Variants in DLG2 observed in about 807,000 individuals in gnomAD.
The protein encoded by DLG2 is disks large homolog 2.
Under a neutral mutation model 132.5 loss-of-function variants are expected in DLG2, and 45 were observed. The ratio of observed to expected loss-of-function variants is 0.34; its 90% CI spans 0.27 to 0.44. The LOEUF is 0.44. Among genes scored for constraint, DLG2 ranks in the 20% least tolerant of loss-of-function variants. The probability of loss-of-function intolerance (pLI) is 1.00; values close to 1 mark genes in which losing one functional copy is unlikely to be tolerated. For missense variants in DLG2, 1,045 were observed against 1,196.9 expected (o/e 0.87, Z 1.87); for synonymous variants, 424 against 419.6 (o/e 1.01, Z -0.13).
chr11:84,866,369 C>CA (rs1434419279), intron 6 of DLG2, among the ~76,000 whole-genome samples: 2 of 152,206 alleles, frequency 1.3e-5, no homozygotes, highest in Non-Finnish European at 2.9e-5. Flanking sequence ...GCCAGATTCT[C>CA]AGTCTTCCTT....
At chr11:84,601,322 A>C (rs140795513) in intron 6 of DLG2, among the ~76,000 whole-genome samples, 44 of 152,242 alleles carry the variant, frequency 2.9e-4, no homozygotes, top group African/African-American at 1.1e-3. Context: ...AGGCATCAAC[A>C]TGTAATTAAG....
chr11:83,587,779 T>C lies in DLG2; in HGVS notation c.1940+45432A>G, dbSNP rs1013323183. On this transcript the variant is annotated intron_variant, in intron 19 of 27. Transcript: ENST00000376104. Reference sequence around the variant, plus strand: ...CAGACAGTGGGCGCAGGTCAGTGGGTGCGCGCACCGTGCGCGAGCCGAAGC... The same window carrying C: ...CAGACAGTGGGCGCAGGTCAGTGGGCGCGCGCACCGTGCGCGAGCCGAAGC... Among the ~76,000 whole-genome samples the C allele has an allele frequency of 1.0e-3, 156 of 152,130 alleles. 5 individuals carry two copies. In the South Asian group the frequency reaches 0.032, roughly 31 times the overall value.
chr11:84,693,960 G>A (rs2058337824), intron 6 of DLG2, among the ~76,000 whole-genome samples: 2 of 151,448 alleles, frequency 1.3e-5, no homozygotes, highest in African/African-American at 2.4e-5. Context: ...TTTTGTTCAT[G>A]GCGCCATGAT....
intron 6 of DLG2, among the ~76,000 whole-genome samples, chr11:84,694,934 T>A (rs897250413): frequency 6.6e-5 from 10 of 151,622 alleles, no homozygotes; most frequent in Non-Finnish European, 1.2e-4. Context: ...CTGTATGCAA[T>A]TTATTAACAG....
chr11:83,630,378 G>A (rs2063353067), intron 19 of DLG2, among the ~76,000 whole-genome samples: 1 of 152,106 alleles, frequency 6.6e-6, no homozygotes, highest in Non-Finnish European at 1.5e-5. Flanking sequence ...TAAATCCAAG[G>A]GGAAGAATGG....
At chr11:84,685,646 C>T (rs2099737445) in intron 6 of DLG2, among the ~76,000 whole-genome samples, 1 of 152,160 alleles carries the variant, frequency 6.6e-6, no homozygotes, top group Non-Finnish European at 1.5e-5. Context: ...ACATCAGAAA[C>T]ATAGCAGAAT....
chr11:85,540,190 G>A lies in DLG2; in HGVS notation c.40+58467C>T, dbSNP rs188670244. On this transcript the variant is annotated intron_variant, in intron 3 of 27. Transcript: ENST00000376104. ...GATCCACCCTTGGGCCTTTGCCCAC[G>A]GACATAAGTGAGGACAGCCACTCTT... is the stretch of plus-strand genomic sequence containing the variant. Among the ~76,000 whole-genome samples, 599 of 152,286 alleles carry A rather than the reference G, an allele frequency of 3.9e-3. 7 individuals carry two copies. The highest frequency in any genetic ancestry group is 0.012 in the African/African-American group (516 of 41,564).
chr11:85,509,518 A>G (rs924228444), intron 3 of DLG2, among the ~76,000 whole-genome samples: 2 of 152,068 alleles, frequency 1.3e-5, no homozygotes, highest in African/African-American at 2.4e-5. Flanking sequence ...AAGACAATCT[A>G]AGGACAGGAT....
At chr11:84,571,006 TC>T in intron 6 of DLG2, among the ~76,000 whole-genome samples, 1 of 152,174 alleles carries the variant, frequency 6.6e-6, no homozygotes, top group East Asian at 1.9e-4. Flanking sequence ...AGTTAGCACT[TC>T]TGTTTAATAG....
intron 18 of DLG2, among the ~76,000 whole-genome samples, chr11:83,666,318 T>C (rs1369879691): frequency 1.3e-5 from 2 of 152,174 alleles, no homozygotes; most frequent in Non-Finnish European, 2.9e-5. Flanking sequence ...TAGGTGTCCA[T>C]GGCCTGCAGG....
In DLG2 at chr11:85,021,031, C is replaced by T. The variant is rs144417817; in HGVS notation, c.357+90630G>A. 8.3e-3 allele frequency: 6,448 copies of T among 772,704 alleles called. 59 individuals carry two copies. Among genetic ancestry groups the T allele is most frequent in the Non-Finnish European group, 8.3e-3 (3,431 of 414,814 alleles). The allele number at this position is 772,704 out of a possible 1,614,324, so 47.9% of individuals were successfully genotyped here. ...ATATCTACTGCTTGTTTGTTCTGTT[C>T]CTTTTCAATTTCTTCCAGGTTTCCC... On this transcript the variant is annotated intron_variant, in intron 6 of 27. Transcript: ENST00000376104.
intron 7 of DLG2, among the ~76,000 whole-genome samples, chr11:84,484,501 C>T (rs1415488330): frequency 6.6e-6 from 1 of 152,030 alleles, no homozygotes; most frequent in Admixed American, 6.6e-5. Flanking sequence ...CATTTGGCTC[C>T]CTTTATAATT....
chr11:84,417,247 T>A (rs535024248), intron 7 of DLG2, among the ~76,000 whole-genome samples: 1 of 152,324 alleles, frequency 6.6e-6, no homozygotes, highest in African/African-American at 2.4e-5. Flanking sequence ...ACACTTATTA[T>A]ATGATCTATG....
chr11:84,516,610 G>C (rs1176112313), intron 7 of DLG2, among the ~76,000 whole-genome samples: 1 of 151,382 alleles, frequency 6.6e-6, no homozygotes, highest in Non-Finnish European at 1.5e-5. Flanking sequence ...GATGCCTTTA[G>C]TGTCTAATTC....
intron 6 of DLG2, among the ~76,000 whole-genome samples, chr11:84,712,047 G>C (rs992820323): frequency 2.0e-5 from 3 of 152,002 alleles, no homozygotes; most frequent in Admixed American, 2.0e-4. Context: ...CAATTATTAA[G>C]TATTACATGC....
intron 7 of DLG2, among the ~76,000 whole-genome samples, chr11:84,403,551 A>C (rs779775975): frequency 2.0e-5 from 3 of 152,048 alleles, no homozygotes; most frequent in Non-Finnish European, 2.9e-5. Flanking sequence ...ATTATTTTCT[A>C]TCACTGTTAT....
chr11:85,136,166 A>G (rs530663562), intron 5 of DLG2, among the ~76,000 whole-genome samples: 2 of 152,376 alleles, frequency 1.3e-5, no homozygotes, highest in South Asian at 4.1e-4. Flanking sequence ...TGAATATGCA[A>G]TCTTTATTTG....
intron 19 of DLG2, among the ~76,000 whole-genome samples, chr11:83,567,318 T>C (rs2096725545): frequency 6.6e-6 from 1 of 152,182 alleles, no homozygotes; most frequent in Non-Finnish European, 1.5e-5. Context: ...TAAAAGCCCC[T>C]TTTTAGTCTA....
intron 21 of DLG2, among the ~76,000 whole-genome samples, chr11:83,503,346 T>C (rs947632656): frequency 2.0e-5 from 2 of 102,238 alleles, no homozygotes; most frequent in Non-Finnish European, 4.4e-5. Context: ...TATATATTTA[T>C]ATATATACAC....
Sources: gnomAD v4.1 joint callset for allele counts (sites outside exome capture counted in the v4.1 genomes callset) on GRCh38, gnomAD v4.1.1 for gene constraint, MANE v1.5 for transcripts, NCBI Gene and HGNC (gene_info 2026-07-23, HGNC 2026-07-21) for gene names.